The following DPH7 variants were observed in gnomAD, a reference collection of about 807,000 sequenced individuals.
DPH7 encodes the protein diphthine methyltransferase.
DPH7 carries 44 observed loss-of-function variants against 41.7 expected under a neutral mutation model. The ratio of observed to expected loss-of-function variants is 1.05; its 90% CI spans 0.83 to 1.36. The LOEUF is 1.36. Ranked by LOEUF, DPH7 falls within the 40% of genes most tolerant of loss-of-function variation. The probability of loss-of-function intolerance (pLI) is 0.00; values close to 1 mark genes in which losing one functional copy is unlikely to be tolerated. For synonymous variants in DPH7, 275 were observed against 238.0 expected (o/e 1.16, Z -1.43); for missense variants, 629 against 577.5 (o/e 1.09, Z -0.91).
intron 2 of DPH7, among the ~76,000 whole-genome samples, chr9:137,576,989 G>C (rs987252993): frequency 1.3e-5 from 2 of 151,138 alleles, no homozygotes; most frequent in Admixed American, 1.3e-4. Flanking sequence ...AGGAGTTCAA[G>C]GCTGCAGTGA....
chr9:137,565,009 AG>A lies in DPH7; in HGVS notation c.711-52del, dbSNP rs767980627. 1.9e-6 allele frequency: 3 copies of A among 1,606,652 alleles called. No homozygotes were observed. The African/African-American group carries it at 4.0e-5, about 21-fold the overall frequency. ...CAGTGTCCAGCACACAGACCCACCC[AG>A]GGAACGGGAGGGCTGGTGACCCAGG... On this transcript the variant is annotated intron_variant, in intron 6 of 8. Transcript: ENST00000277540.
At chr9:137,560,323 A>C (rs1413794201) in intron 8 of DPH7, among the ~76,000 whole-genome samples, 3 of 151,450 alleles carry the variant, frequency 2.0e-5, no homozygotes, top group Non-Finnish European at 4.4e-5. Flanking sequence ...GGAGCACAAC[A>C]AATAGTCAAT....
chr9:137,561,258 G>T (rs1838527524), intron 8 of DPH7, among the ~76,000 whole-genome samples: 1 of 152,076 alleles, frequency 6.6e-6, no homozygotes, highest in African/African-American at 2.4e-5. Flanking sequence ...CACAAAAATG[G>T]AACAATGTGG....
In DPH7 at chr9:137,574,852, G is replaced by A; in HGVS notation, c.376-9C>T. On this transcript the variant is annotated splice_polypyrimidine_tract_variant and intron_variant, in intron 3 of 8. Coordinates refer to ENST00000277540, the MANE Select transcript of DPH7 (RefSeq NM_138778.5). Reference sequence around the variant, plus strand: ...TCCAGCACGTGGCTCTTCTACTGGAGAAGAAGAAACTCCATCAAAGGGAAG... The same window carrying A: ...TCCAGCACGTGGCTCTTCTACTGGAAAAGAAGAAACTCCATCAAAGGGAAG... 2 of 1,613,332 alleles carry A rather than the reference G, an allele frequency of 1.2e-6. No homozygotes were observed. The highest frequency in any genetic ancestry group is 2.2e-5 in the South Asian group (2 of 90,958).
At position 137,578,718 on chromosome 9, in the gene DPH7, C is replaced by G; in HGVS notation, c.60G>C (p.Glu20Asp). The part of the protein sequence containing the change: ...VDTELTADSV[E>D]WCPLQGCRHL... ...GCCTGCAGCCTTGCAGCGGGCACCACTCCACCGAGTCCGCGGTCAGCTCGG... is the reference window on the plus strand; with the variant it reads ...GCCTGCAGCCTTGCAGCGGGCACCAGTCCACCGAGTCCGCGGTCAGCTCGG... The change falls in exon 1 of 9, where the codon GAG becomes GAC. Residue 20 changes from glutamate to aspartate, a missense_variant. Physicochemically the swap from Glu to Asp is conservative, Grantham distance 45 (BLOSUM62 2). Transcript: ENST00000277540. 1 of 1,529,498 alleles carries G rather than the reference C, an allele frequency of 6.5e-7. No individual in the cohort carries two copies. Among genetic ancestry groups the G allele is most frequent in the East Asian group, 2.7e-5 (1 of 37,632 alleles). The allele number at this position is 1,529,498 out of a possible 1,614,324, so 94.7% of individuals were successfully genotyped here.
At chr9:137,571,488 A>G (rs1249264942) in intron 5 of DPH7, among the ~76,000 whole-genome samples, 2 of 152,040 alleles carry the variant, frequency 1.3e-5, no homozygotes, top group Non-Finnish European at 2.9e-5. Context: ...CCTGGCCTAT[A>G]TAAATAATTT....
At chr9:137,576,030 C>T (rs1203680920) in intron 3 of DPH7, 50 bp downstream of exon 3, 1 of 1,610,762 alleles carries the variant, frequency 6.2e-7, no homozygotes, top group Non-Finnish European at 8.5e-7. Context: ...CTCCCCAACC[C>T]TCTCTATTCA....
chr9:137,571,764 G>A (rs986471956), intron 5 of DPH7, among the ~76,000 whole-genome samples: 1 of 151,946 alleles, frequency 6.6e-6, no homozygotes, highest in Non-Finnish European at 1.5e-5. Context: ...CTCCAGCCTG[G>A]GCAATAAGAG....
Position 137,573,336 on chromosome 9 carries a change from A to G in DPH7, c.640+872T>C, listed in dbSNP as rs537838879. On this transcript the variant is annotated intron_variant, in intron 5 of 8. Coordinates refer to ENST00000277540, the MANE Select transcript of DPH7 (RefSeq NM_138778.5). ...AGATCGCGCCACTGCACTCCAGCCT[A>G]GGCAACAGAGCAAGACTCCATCTCA... Among the ~76,000 whole-genome samples, 550 of 111,512 alleles carry G rather than the reference A, an allele frequency of 4.9e-3. 2 individuals are homozygous for G. The highest frequency in any genetic ancestry group is 8.3e-3 in the Non-Finnish European group (458 of 55,028). The allele number at this position is 111,512 out of a possible 152,430, so 73.2% of individuals were successfully genotyped here. A position where few individuals can be genotyped will look rare whatever the true frequency, so the allele number is the denominator to read the frequency against.
At chr9:137,568,867 C>A (rs1416039505) in intron 5 of DPH7, among the ~76,000 whole-genome samples, 1 of 152,114 alleles carries the variant, frequency 6.6e-6, no homozygotes, top group African/African-American at 2.4e-5. Flanking sequence ...TTGCTAAGGG[C>A]TCCAGTGAAT....
chr9:137,576,170 G>A lies in DPH7; in HGVS notation c.288-3C>T. ...GTCCAGCCACCGGGATGTGACACCT[G>A]AGGAGAGGGCCCACCATAAGCACAC... On this transcript the variant is annotated splice_polypyrimidine_tract_variant and splice_region_variant and intron_variant, in intron 2 of 8. Coordinates refer to ENST00000277540, the MANE Select transcript of DPH7 (RefSeq NM_138778.5). The A allele has an allele frequency of 2.5e-6, 4 of 1,613,530 alleles. No homozygotes were observed. Among genetic ancestry groups the A allele is most frequent in the Non-Finnish European group, 3.4e-6 (4 of 1,179,850 alleles).
In DPH7 at chr9:137,564,874, G is replaced by A. The variant is rs749612453; in HGVS notation, c.776+19C>T. 1.1e-4 allele frequency: 175 copies of A among 1,583,416 alleles called. 1 individual carries two copies. Among genetic ancestry groups the A allele is most frequent in the South Asian group, 8.6e-4 (75 of 87,648 alleles). On this transcript the variant is annotated intron_variant, in intron 7 of 8. Coordinates refer to ENST00000277540, the MANE Select transcript of DPH7 (RefSeq NM_138778.5). Reference sequence around the variant, plus strand: ...AGCGAAAGAGACGAGAAGGGCCCGAGAGCCTCCTGGGGACTCACCTTCCCG... The same window carrying A: ...AGCGAAAGAGACGAGAAGGGCCCGAAAGCCTCCTGGGGACTCACCTTCCCG...
chr9:137,559,712 G>T (rs7035114), intron 8 of DPH7, among the ~76,000 whole-genome samples: 8,217 of 152,262 alleles, frequency 0.054, 754 homozygotes, highest in African/African-American at 0.19. Flanking sequence ...GCCAAGCAGG[G>T]AAGGGCCCCC....
chr9:137,560,786 G>A lies in DPH7; in HGVS notation c.949+3648C>T, dbSNP rs1317184312. Among the ~76,000 whole-genome samples, 5 of 151,706 alleles carry A rather than the reference G, an allele frequency of 3.3e-5. No individual in the cohort carries two copies. The South Asian group carries it at 6.2e-4, about 19-fold the overall frequency. On this transcript the variant is annotated intron_variant, in intron 8 of 8. Coordinates refer to ENST00000277540, the MANE Select transcript of DPH7 (RefSeq NM_138778.5). ...CAGGAGAATGGCGTGAACCCGGGAGGCGGAGCTTGCAGTGAGCCAAGATCC... is the reference window on the plus strand; with the variant it reads ...CAGGAGAATGGCGTGAACCCGGGAGACGGAGCTTGCAGTGAGCCAAGATCC...
intron 4 of DPH7, 43 bp downstream of exon 4, chr9:137,574,709 C>G: frequency 6.3e-7 from 1 of 1,588,868 alleles, no homozygotes; most frequent in Non-Finnish European, 8.6e-7. Flanking sequence ...GGAAGTGGTT[C>G]TCAGAGAAAG....
In DPH7 at chr9:137,556,722, G is replaced by A. The variant is rs1837570290; in HGVS notation, c.950-1074C>T. ...TGGGGAGGCCGTTACTGTCCCTTGG[G>A]AGGTAGCGTCACAGGGCAGGCAGGA... On this transcript the variant is annotated intron_variant, in intron 8 of 8. Coordinates refer to ENST00000277540, the MANE Select transcript of DPH7 (RefSeq NM_138778.5). The surrounding 1 kb of genome is among the most constrained non-coding windows in gnomAD (Gnocchi z 5.2). 1 of 437,938 alleles carries A rather than the reference G, an allele frequency of 2.3e-6. No homozygotes were observed. The highest frequency in any genetic ancestry group is 2.5e-5 in the Admixed American group (1 of 40,594). 27.1% of individuals were successfully genotyped at this position (437,938 alleles called of 1,614,324 possible).
chr9:137,561,065 G>A (rs557510507), intron 8 of DPH7, among the ~76,000 whole-genome samples: 1 of 148,614 alleles, frequency 6.7e-6, no homozygotes, highest in African/African-American at 2.5e-5. Context: ...TCACCATTTT[G>A]CCATTACCAT....
chr9:137,557,703 C>T (rs907923492), intron 8 of DPH7, among the ~76,000 whole-genome samples: 8 of 151,964 alleles, frequency 5.3e-5, no homozygotes, highest in African/African-American at 1.7e-4. Context: ...CCTGTAGTCC[C>T]AGCTACACAG....
At chr9:137,561,716 T>G (rs548554602) in intron 8 of DPH7, among the ~76,000 whole-genome samples, 2 of 152,262 alleles carry the variant, frequency 1.3e-5, no homozygotes, top group East Asian at 3.9e-4. Flanking sequence ...ACAGACACTT[T>G]ATATTGATAA....
Sources: allele counts gnomAD v4.1 joint callset (sites outside exome capture counted in the v4.1 genomes callset), GRCh38; gene constraint gnomAD v4.1.1; non-coding constraint Gnocchi (gnomAD v3.1); transcripts MANE v1.5; gene names NCBI Gene and HGNC (gene_info 2026-07-23, HGNC 2026-07-21).